ASAP2: variants seen among roughly 807,000 people sequenced by gnomAD.
ASAP2 encodes arf-GAP with SH3 domain, ANK repeat and PH domain-containing protein 2.
A neutral mutation model predicts 131.4 loss-of-function variants in ASAP2; 45 were observed. The ratio of observed to expected loss-of-function variants is 0.34; its 90% CI spans 0.27 to 0.44. The LOEUF is 0.44. ASAP2 is among the 20% of genes least tolerant of loss of function. The pLI is 1.00. For synonymous variants in ASAP2, 510 were observed against 503.0 expected, an observed-to-expected ratio of 1.01 and a Z score of -0.19; for missense variants, 1,011 against 1,297.0, an observed-to-expected ratio of 0.78 and a Z score of 3.39.
intron 15 of ASAP2, among the ~76,000 whole-genome samples, chr2:9,359,921 A>G (rs1033430423): frequency 2.0e-5 from 3 of 152,244 alleles, no homozygotes; most frequent in Non-Finnish European, 4.4e-5. Context: ...AAACTAAGCT[A>G]GACTCACTTA....
intron 1 of ASAP2, among the ~76,000 whole-genome samples, chr2:9,254,675 A>G (rs1665036621): frequency 6.6e-6 from 1 of 151,320 alleles, no homozygotes; most frequent in African/African-American, 2.4e-5. Context: ...TCCCCGGCCT[A>G]TAAACTAAAC....
intron 2 of ASAP2, among the ~76,000 whole-genome samples, chr2:9,286,446 AAAT>A (rs753076041): frequency 6.8e-6 from 1 of 146,750 alleles, no homozygotes; most frequent in Admixed American, 6.7e-5. Flanking sequence ...GGAAAAAAAA[AAAT>A]ATATATATAT....
chr2:9,258,797 T>C (rs1205613605), intron 1 of ASAP2, among the ~76,000 whole-genome samples: 3 of 152,190 alleles, frequency 2.0e-5, no homozygotes, highest in Non-Finnish European at 4.4e-5. Context: ...ATCTTCACTT[T>C]TACTTATTTA....
rs200560260 is a variant in ASAP2, at chr2:9,397,727, GATATATAT to G, written c.2685-2279_2685-2272del. Among the ~76,000 whole-genome samples the G allele has an allele frequency of 4.6e-3, 382 of 83,488 alleles. 22 individuals carry two copies. The highest frequency in any genetic ancestry group is 0.024 in the African/African-American group (307 of 12,968). 54.8% of individuals were successfully genotyped at this position (83,488 alleles called of 152,430 possible). A position where few individuals can be genotyped will look rare whatever the true frequency, so the allele number is the denominator to read the frequency against. On this transcript the variant is annotated intron_variant, in intron 24 of 27. Coordinates refer to ENST00000281419, the MANE Select transcript of ASAP2 (RefSeq NM_003887.3). ...TTGGTTGGGAAAAAAAAATCAAAAG[GATATATAT>G]ATATATATATATATATTTTTTTTTT...
chr2:9,256,110 C>T (rs1040743744), intron 1 of ASAP2, among the ~76,000 whole-genome samples: 6 of 145,802 alleles, frequency 4.1e-5, no homozygotes, highest in Admixed American at 1.4e-4. Flanking sequence ...CATATTTGCA[C>T]GTTCAGACAT....
intron 1 of ASAP2, among the ~76,000 whole-genome samples, chr2:9,260,949 G>A (rs1461240506): frequency 6.6e-6 from 1 of 152,152 alleles, no homozygotes; most frequent in Non-Finnish European, 1.5e-5. Flanking sequence ...GGGTGGTTAG[G>A]GGGGTTGTGC....
chr2:9,380,934 T>C, intron 20 of ASAP2, 126 bp downstream of exon 20: 1 of 1,061,440 alleles, frequency 9.4e-7, no homozygotes, highest in Non-Finnish European at 1.4e-6. Context: ...TCTGATGGGA[T>C]GAGCCGAGAA....
chr2:9,231,646 T>G (rs1453857988), intron 1 of ASAP2, among the ~76,000 whole-genome samples: 2 of 152,212 alleles, frequency 1.3e-5, no homozygotes, highest in Admixed American at 1.3e-4. Flanking sequence ...CATAGACTCC[T>G]GCACAGCAGC....
intron 11 of ASAP2, among the ~76,000 whole-genome samples, chr2:9,349,868 G>A (rs1672217327): frequency 6.6e-6 from 1 of 151,988 alleles, no homozygotes; most frequent in African/African-American, 2.4e-5. Flanking sequence ...TATGTATCTG[G>A]ATTAATCCCA....
intron 1 of ASAP2, among the ~76,000 whole-genome samples, chr2:9,228,639 C>A (rs1434241649): frequency 6.6e-6 from 1 of 152,166 alleles, no homozygotes; most frequent in African/African-American, 2.4e-5. Flanking sequence ...TGGTCTCTTT[C>A]CATCTGGCCG....
intron 1 of ASAP2, among the ~76,000 whole-genome samples, chr2:9,244,835 A>G (rs577482323): frequency 4.3e-4 from 66 of 152,238 alleles, no homozygotes; most frequent in Admixed American, 7.2e-4. Flanking sequence ...CCTTTTCATT[A>G]GATCCTTTCT....
At position 9,281,848 on chromosome 2, in the gene ASAP2, G is replaced by A. The variant is rs1667147473; in HGVS notation, c.199+2459G>A. Among the ~76,000 whole-genome samples, 2 of 152,296 alleles carry A rather than the reference G, an allele frequency of 1.3e-5. No individual in the cohort carries two copies. Among genetic ancestry groups the A allele is most frequent in the South Asian group, 4.1e-4 (2 of 4,824 alleles). Reference sequence around the variant, plus strand: ...TCACCCCACTGTGAGCCTCAGGTGAGTAAATACTGCAGAGCACCAGATGAG... The same window carrying A: ...TCACCCCACTGTGAGCCTCAGGTGAATAAATACTGCAGAGCACCAGATGAG... On this transcript the variant is annotated intron_variant, in intron 2 of 27. Coordinates refer to ENST00000281419, the MANE Select transcript of ASAP2 (RefSeq NM_003887.3). The surrounding 1 kb of genome is among the most constrained non-coding windows in gnomAD (Gnocchi z 4.0).
intron 3 of ASAP2, 142 bp from the exon 4 acceptor site, chr2:9,318,382 T>C: frequency 3.1e-6 from 2 of 635,856 alleles, no homozygotes; most frequent in Non-Finnish European, 5.6e-6. Context: ...AATGTATGAC[T>C]GAATAAGGCA....
At position 9,296,242 on chromosome 2, in the gene ASAP2, T is replaced by C. The variant is rs371838484; in HGVS notation, c.200-1058T>C. Among the ~76,000 whole-genome samples the C allele has an allele frequency of 2.6e-5, 4 of 152,368 alleles. 1 individual carries two copies. The highest frequency in any genetic ancestry group is 6.5e-5 in the Admixed American group (1 of 15,308). ...AGATAGAAGTTGTTTTATTATAGAC[T>C]GGCTGGTTTCCTTTGAAAGTGCCTG... On this transcript the variant is annotated intron_variant, in intron 2 of 27. Transcript: ENST00000281419.
At chr2:9,376,843 C>T (rs947818327) in intron 17 of ASAP2, 65 bp from the exon 18 acceptor site, 42 of 1,389,434 alleles carry the variant, frequency 3.0e-5, no homozygotes, top group African/African-American at 1.7e-4. Flanking sequence ...ACGATTTCAC[C>T]GGTGTTGGAC....
chr2:9,238,613 A>G (rs1338180458), intron 1 of ASAP2, among the ~76,000 whole-genome samples: 3 of 152,164 alleles, frequency 2.0e-5, no homozygotes, highest in Non-Finnish European at 2.9e-5. Context: ...TTTTGTTTGC[A>G]TGGGGAGGAG....
chr2:9,260,319 C>T (rs1665488251), intron 1 of ASAP2, among the ~76,000 whole-genome samples: 1 of 152,222 alleles, frequency 6.6e-6, no homozygotes, highest in South Asian at 2.1e-4. Flanking sequence ...CCAGAATCTG[C>T]TGCTGGGGGC....
intron 1 of ASAP2, among the ~76,000 whole-genome samples, chr2:9,265,734 C>T (rs908220490): frequency 8.6e-5 from 13 of 151,240 alleles, no homozygotes; most frequent in African/African-American, 3.2e-4. Context: ...TGTGTCTGTG[C>T]GTGTAATGGA....
chr2:9,254,536 T>A lies in ASAP2; in HGVS notation c.127-24781T>A, dbSNP rs1163305287. On this transcript the variant is annotated intron_variant, in intron 1 of 27. Coordinates refer to ENST00000281419, the MANE Select transcript of ASAP2 (RefSeq NM_003887.3). ...CCCAGCTAATTTTTGGATTTTTTTTTTTTTTTTTTTTTTTTTTAGTAGAGA... is the reference window on the plus strand; with the variant it reads ...CCCAGCTAATTTTTGGATTTTTTTTATTTTTTTTTTTTTTTTTAGTAGAGA... Among the ~76,000 whole-genome samples the A allele has an allele frequency of 3.0e-3, 253 of 84,722 alleles. 21 individuals are homozygous for A. The highest frequency in any genetic ancestry group is 9.9e-3 in the African/African-American group (221 of 22,326). The allele number at this position is 84,722 out of a possible 152,430, so 55.6% of individuals were successfully genotyped here.
Sources: gnomAD v4.1 joint callset for allele counts (sites outside exome capture counted in the v4.1 genomes callset) on GRCh38, gnomAD v4.1.1 for gene constraint, Gnocchi (gnomAD v3.1) non-coding constraint, MANE v1.5 for transcripts, NCBI Gene and HGNC (gene_info 2026-07-23, HGNC 2026-07-21) for gene names.